Variants in DAB1 observed in about 807,000 individuals in gnomAD.
DAB1 encodes DAB adaptor protein 1.
A neutral mutation model predicts 64.6 loss-of-function variants in DAB1; 15 were observed. That is an observed-to-expected ratio of 0.23 (90% CI 0.16 to 0.36). The LOEUF (loss-of-function observed/expected upper bound fraction) is 0.36. DAB1 is among the 10% of genes least tolerant of loss of function. The probability of loss-of-function intolerance (pLI) is 1.00; values close to 1 mark genes in which losing one functional copy is unlikely to be tolerated. For synonymous variants in DAB1, 235 were observed against 251.9 expected, an observed-to-expected ratio of 0.93 and a Z score of 0.64; for missense variants, 596 against 706.7, an observed-to-expected ratio of 0.84 and a Z score of 1.78.
At chr1:57,418,767 T>C (rs1464068674) in intron 1 of DAB1, among the ~76,000 whole-genome samples, 1 of 152,124 alleles carries the variant, frequency 6.6e-6, no homozygotes, top group African/African-American at 2.4e-5. Context: ...ATAATAATAA[T>C]AAAAGCAAGC....
At chr1:58,331,263 T>A (rs1211272748) in intron 4 of DAB1, among the ~76,000 whole-genome samples, 2 of 152,216 alleles carry the variant, frequency 1.3e-5, no homozygotes, top group Non-Finnish European at 2.9e-5. Flanking sequence ...ACCCTAAGGA[T>A]GAGACTGAAT....
At chr1:58,523,451 T>C (rs1195424015) in intron 2 of DAB1, among the ~76,000 whole-genome samples, 1 of 152,190 alleles carries the variant, frequency 6.6e-6, no homozygotes, top group Non-Finnish European at 1.5e-5. Flanking sequence ...TTCCCTAAAG[T>C]ACCCTGTTGT....
At chr1:57,365,700 C>G (rs1026258718) in intron 1 of DAB1, among the ~76,000 whole-genome samples, 2 of 151,996 alleles carry the variant, frequency 1.3e-5, no homozygotes, top group Non-Finnish European at 2.9e-5. Context: ...TCCACTCTAC[C>G]AGGCTTTTCA....
At chr1:58,219,082 A>G (rs1397055417) in intron 4 of DAB1, among the ~76,000 whole-genome samples, 1 of 151,554 alleles carries the variant, frequency 6.6e-6, no homozygotes, top group East Asian at 1.9e-4. Context: ...TCTTAAAAGC[A>G]TAAGAACATA....
chr1:57,590,955 A>G (rs186195432), intron 7 of DAB1, among the ~76,000 whole-genome samples: 1 of 152,326 alleles, frequency 6.6e-6, no homozygotes, highest in Admixed American at 6.5e-5. Context: ...TTAATTCAGT[A>G]CTGAATCAAA....
chr1:57,644,927 C>A (rs1194895907), intron 7 of DAB1, among the ~76,000 whole-genome samples: 2 of 152,120 alleles, frequency 1.3e-5, no homozygotes, highest in African/African-American at 4.8e-5. Flanking sequence ...TACTGCTTTG[C>A]AGCTTGATGA....
intron 2 of DAB1, among the ~76,000 whole-genome samples, chr1:57,180,604 T>A (rs1441049153): frequency 6.6e-6 from 1 of 152,122 alleles, no homozygotes; most frequent in African/African-American, 2.4e-5. Flanking sequence ...TGTTCCTAGA[T>A]AACAATGACA....
At chr1:57,155,336 A>G (rs898321024) in intron 2 of DAB1, among the ~76,000 whole-genome samples, 13 of 152,100 alleles carry the variant, frequency 8.5e-5, no homozygotes, top group Admixed American at 7.9e-4. Context: ...AGTTCACTGT[A>G]GGTGTGTTGA....
chr1:57,653,161 T>A (rs2101657731), intron 6 of DAB1, among the ~76,000 whole-genome samples: 1 of 152,342 alleles, frequency 6.6e-6, no homozygotes, highest in South Asian at 2.1e-4. Flanking sequence ...TCAGACCTTT[T>A]TTAATATAAA....
intron 5 of DAB1, among the ~76,000 whole-genome samples, chr1:57,967,176 G>C (rs1453725703): frequency 6.6e-6 from 1 of 152,224 alleles, no homozygotes; most frequent in African/African-American, 2.4e-5. Flanking sequence ...CACAGCTACA[G>C]TGGGGCTGTC....
intron 7 of DAB1, among the ~76,000 whole-genome samples, chr1:57,555,733 C>A (rs971739952): frequency 2.0e-5 from 3 of 152,150 alleles, no homozygotes; most frequent in Non-Finnish European, 4.4e-5. Context: ...GAACCTACAA[C>A]TTGAATGTAG....
chr1:58,274,739 G>A (rs966233244), intron 4 of DAB1, among the ~76,000 whole-genome samples: 19 of 152,282 alleles, frequency 1.2e-4, no homozygotes, highest in African/African-American at 3.6e-4. Context: ...TCTGAAAAGC[G>A]CAATATTCGG....
At chr1:57,626,315 C>G (rs1017206857) in intron 7 of DAB1, among the ~76,000 whole-genome samples, 1 of 152,172 alleles carries the variant, frequency 6.6e-6, no homozygotes, top group African/African-American at 2.4e-5. Flanking sequence ...CACCTCTAGC[C>G]TGCTGTGTTC....
At chr1:58,045,809 CT>C (rs5774391) in intron 5 of DAB1, among the ~76,000 whole-genome samples, 70,448 of 151,626 alleles carry the variant, frequency 0.46, 16,733 homozygotes, top group Non-Finnish European at 0.51. Flanking sequence ...TGTTCCTTCT[CT>C]TTTTTTCCAT....
intron 3 of DAB1, among the ~76,000 whole-genome samples, chr1:58,408,481 A>C (rs1360848044): frequency 6.6e-6 from 1 of 152,222 alleles, no homozygotes; most frequent in Non-Finnish European, 1.5e-5. Context: ...ACTGGAGAGC[A>C]AGGATTCTCC....
rs902530573 is a variant in DAB1 at position 57,005,007 on chromosome 1, C to A, written c.*15+5673G>T. On this transcript the variant is annotated intron_variant, in intron 14 of 14. Coordinates refer to ENST00000371236, the MANE Select transcript of DAB1 (RefSeq NM_001365792.1). ...TATTCAAACAAAAGGAAAAACAAAGCTTTCTGGCCACTTTGAGTCTGAAAG... is the reference window on the plus strand; with the variant it reads ...TATTCAAACAAAAGGAAAAACAAAGATTTCTGGCCACTTTGAGTCTGAAAG... Among the ~76,000 whole-genome samples the A allele has an allele frequency of 2.6e-5, 4 of 152,110 alleles. No individual in the cohort carries two copies. In the East Asian group the frequency reaches 7.7e-4, roughly 29 times the overall value.
intron 4 of DAB1, among the ~76,000 whole-genome samples, chr1:58,298,346 T>C (rs1196772343): frequency 6.6e-6 from 1 of 152,250 alleles, no homozygotes; most frequent in Non-Finnish European, 1.5e-5. Flanking sequence ...TTTCTTTCTA[T>C]TATTGTTCCT....
At chr1:58,511,546 C>G (rs1164123423) in intron 2 of DAB1, among the ~76,000 whole-genome samples, 1 of 151,972 alleles carries the variant, frequency 6.6e-6, no homozygotes, top group Non-Finnish European at 1.5e-5. Context: ...GGAGGATCAC[C>G]TGAGCCTGGG....
chr1:57,052,872 A>G (rs1649329686), intron 9 of DAB1, among the ~76,000 whole-genome samples: 1 of 152,168 alleles, frequency 6.6e-6, no homozygotes, highest in Non-Finnish European at 1.5e-5. Context: ...ATTATCTGAA[A>G]TGTTTTTCTT....
Sources: gnomAD v4.1 joint callset for allele counts (sites outside exome capture counted in the v4.1 genomes callset) on GRCh38, gnomAD v4.1.1 for gene constraint, MANE v1.5 for transcripts, NCBI Gene and HGNC (gene_info 2026-07-23, HGNC 2026-07-21) for gene names.